CFTR: variants seen among roughly 807,000 people sequenced by gnomAD.
The protein encoded by CFTR is CF transmembrane conductance regulator.
In CFTR, 181 loss-of-function variants were observed where a neutral mutation model predicts 171.6. That is an observed-to-expected ratio of 1.05 (90% CI 0.93 to 1.19). The LOEUF is 1.19. Ranked by LOEUF, CFTR falls within the 50% of genes most tolerant of loss-of-function variation. CFTR has a pLI of 0.00. For missense variants in CFTR, 1,968 were observed against 1,734.7 expected, an observed-to-expected ratio of 1.13 and a Z score of -2.39; for synonymous variants, 583 against 608.0, an observed-to-expected ratio of 0.96 and a Z score of 0.60.
Position 117,540,967 on chromosome 7 carries a change from T to C in CFTR, c.1116+621T>C, listed in dbSNP as rs577374505. On this transcript the variant is annotated intron_variant, in intron 8 of 26. Coordinates refer to ENST00000003084, the MANE Select transcript of CFTR (RefSeq NM_000492.4). Reference sequence around the variant, plus strand: ...CACACACACACATAAACACACACACTCATGTGTGCAGCCTCTTTTGAAGAA... The same window carrying C: ...CACACACACACATAAACACACACACCCATGTGTGCAGCCTCTTTTGAAGAA... Among the ~76,000 whole-genome samples the C allele has an allele frequency of 3.9e-5, 6 of 152,036 alleles. No homozygotes were observed. In the East Asian group the frequency reaches 7.8e-4, roughly 20 times the overall value.
chr7:117,544,169 G>A (rs1799101153), intron 9 of CFTR, among the ~76,000 whole-genome samples: 2 of 152,024 alleles, frequency 1.3e-5, no homozygotes, highest in African/African-American at 4.8e-5. Flanking sequence ...TTTTCCTTTT[G>A]GTGATTTTTC....
intron 3 of CFTR, among the ~76,000 whole-genome samples, chr7:117,509,792 C>T (rs1029869899): frequency 3.9e-5 from 6 of 152,114 alleles, no homozygotes; most frequent in African/African-American, 1.2e-4. Context: ...TTATTTTCTA[C>T]ATCATGAAAG....
At chr7:117,551,159 T>G (rs1799263317) in intron 10 of CFTR, among the ~76,000 whole-genome samples, 1 of 152,138 alleles carries the variant, frequency 6.6e-6, no homozygotes, top group Admixed American at 6.5e-5. Context: ...AAAAATTGGG[T>G]GGGGGAGCCC....
At chr7:117,662,143 C>T (rs1224466148) in intron 24 of CFTR, among the ~76,000 whole-genome samples, 1 of 152,120 alleles carries the variant, frequency 6.6e-6, no homozygotes, top group Non-Finnish European at 1.5e-5. Context: ...TCTTAGATAA[C>T]ATTTTACAAT....
chr7:117,542,931 A>G (rs999875448), intron 9 of CFTR, among the ~76,000 whole-genome samples: 11 of 152,206 alleles, frequency 7.2e-5, no homozygotes, highest in Non-Finnish European at 4.4e-5. Context: ...AGTGCTTTAT[A>G]TATACCAGCC....
intron 24 of CFTR, among the ~76,000 whole-genome samples, chr7:117,663,798 T>C (rs1793325471): frequency 6.6e-6 from 1 of 152,210 alleles, no homozygotes; most frequent in South Asian, 2.1e-4. Context: ...CTCTTTGGCC[T>C]TCATACACTC....
At chr7:117,528,538 T>A (rs1798799960) in intron 3 of CFTR, among the ~76,000 whole-genome samples, 1 of 91,092 alleles carries the variant, frequency 1.1e-5, no homozygotes, top group Non-Finnish European at 2.1e-5. Context: ...ACTAAAGAGC[T>A]TCTGCAAAGC....
chr7:117,488,458 A>C (rs973591891), intron 1 of CFTR, among the ~76,000 whole-genome samples: 21 of 152,116 alleles, frequency 1.4e-4, no homozygotes, highest in African/African-American at 5.1e-4. Context: ...AACAGTTATT[A>C]GATTATTGTC....
intron 10 of CFTR, among the ~76,000 whole-genome samples, chr7:117,557,856 A>C (rs1046479079): frequency 6.6e-6 from 1 of 152,194 alleles, no homozygotes; most frequent in Non-Finnish European, 1.5e-5. Context: ...ACTGACTTAT[A>C]TACTTTTATT....
intron 9 of CFTR, among the ~76,000 whole-genome samples, chr7:117,545,499 C>T (rs1799125222): frequency 6.6e-6 from 1 of 152,138 alleles, no homozygotes; most frequent in South Asian, 2.1e-4. Context: ...AAATTTCCTG[C>T]GTGTACCTCA....
At chr7:117,481,696 G>C (rs1798003385) in intron 1 of CFTR, among the ~76,000 whole-genome samples, 1 of 152,170 alleles carries the variant, frequency 6.6e-6, no homozygotes, top group African/African-American at 2.4e-5. Flanking sequence ...TAAAAGTTAA[G>C]TTCCTACTAT....
chr7:117,508,306 A>G (rs1006209608), intron 2 of CFTR, among the ~76,000 whole-genome samples: 1 of 152,246 alleles, frequency 6.6e-6, no homozygotes, highest in African/African-American at 2.4e-5. Context: ...AATCAGTGGC[A>G]ATAACTTAAT....
At chr7:117,600,187 G>C (rs1275717984) in intron 15 of CFTR, among the ~76,000 whole-genome samples, 1 of 152,034 alleles carries the variant, frequency 6.6e-6, no homozygotes, top group African/African-American at 2.4e-5. Flanking sequence ...TTTGGAAAGA[G>C]AGTGACTCTA....
At chr7:117,657,307 C>T (rs1389503769) in intron 24 of CFTR, among the ~76,000 whole-genome samples, 1 of 152,134 alleles carries the variant, frequency 6.6e-6, no homozygotes, top group Non-Finnish European at 1.5e-5. Context: ...TAGGTATATA[C>T]TTTTACTGTT....
chr7:117,561,709 C>CA (rs1791498481), intron 11 of CFTR, among the ~76,000 whole-genome samples: 2 of 152,084 alleles, frequency 1.3e-5, no homozygotes, highest in African/African-American at 4.8e-5. Context: ...GAACATGAAT[C>CA]ATATACTTCG....
chr7:117,492,064 T>C (rs568751705), intron 1 of CFTR, among the ~76,000 whole-genome samples: 1 of 152,194 alleles, frequency 6.6e-6, no homozygotes, highest in East Asian at 1.9e-4. Flanking sequence ...AAGGACCTTT[T>C]GCTCTTGAGA....
intron 23 of CFTR, among the ~76,000 whole-genome samples, chr7:117,643,567 G>T (rs558434378): frequency 3.9e-5 from 6 of 152,058 alleles, no homozygotes; most frequent in African/African-American, 1.2e-4. Context: ...TATTTGTCTA[G>T]ACTTTGTCAT....
chr7:117,507,455 C>T (rs935173788), intron 2 of CFTR, among the ~76,000 whole-genome samples: 3 of 152,162 alleles, frequency 2.0e-5, no homozygotes, highest in African/African-American at 4.8e-5. Flanking sequence ...CCGTGTGGAC[C>T]ACTTTTTCAC....
chr7:117,541,507 G>T (rs1165042537), intron 8 of CFTR, among the ~76,000 whole-genome samples: 1 of 152,102 alleles, frequency 6.6e-6, no homozygotes, highest in African/African-American at 2.4e-5. Context: ...AAACTGATTT[G>T]GAGTCTCTAA....
Sources: gnomAD v4.1 joint callset for allele counts (sites outside exome capture counted in the v4.1 genomes callset) on GRCh38, gnomAD v4.1.1 for gene constraint, MANE v1.5 for transcripts, NCBI Gene and HGNC (gene_info 2026-07-23, HGNC 2026-07-21) for gene names.